The following WWOX variants were observed in gnomAD, a reference collection of about 807,000 sequenced individuals.
WWOX encodes WW domain containing oxidoreductase, also known as WW domain-containing oxidoreductase.
WWOX carries 69 observed loss-of-function variants against 46.2 expected under a neutral mutation model. The observed-to-expected ratio is 1.49, with a 90% CI of 1.23 to 1.82. The LOEUF (loss-of-function observed/expected upper bound fraction) is 1.82. Among genes scored for constraint, WWOX ranks in the 40% most tolerant of loss-of-function variants. The probability of loss-of-function intolerance (pLI) is 0.00; values close to 1 mark genes in which losing one functional copy is unlikely to be tolerated. For missense variants in WWOX, 919 were observed against 542.6 expected (o/e 1.69, Z -6.89); for synonymous variants, 359 against 202.6 (o/e 1.77, Z -6.56).
intron 8 of WWOX, among the ~76,000 whole-genome samples, chr16:78,752,820 G>A (rs187714153): frequency 6.6e-6 from 1 of 152,110 alleles, no homozygotes; most frequent in Non-Finnish European, 1.5e-5. Flanking sequence ...ATGGCCTGGC[G>A]AGCCGCCTTA....
At chr16:78,623,094 G>C (rs2046228483) in intron 8 of WWOX, among the ~76,000 whole-genome samples, 5 of 151,928 alleles carry the variant, frequency 3.3e-5, no homozygotes, top group Admixed American at 3.3e-4. Flanking sequence ...TCAAGCCTCT[G>C]ATGAGACCGC....
In WWOX at chr16:78,862,956, C is replaced by A. The variant is rs545151750; in HGVS notation, c.1057-348652C>A. Among the ~76,000 whole-genome samples, 532 of 143,810 alleles carry A rather than the reference C, an allele frequency of 3.7e-3. 10 individuals are homozygous for A. The South Asian group carries it at 0.049, about 13-fold the overall frequency. The allele number at this position is 143,810 out of a possible 152,430, so 94.3% of individuals were successfully genotyped here. A position where few individuals can be genotyped will look rare whatever the true frequency, so the allele number is the denominator to read the frequency against. On this transcript the variant is annotated intron_variant, in intron 8 of 8. Transcript: ENST00000566780. Reference sequence around the variant, plus strand: ...CAATTAGACATCATGGTGGTTATGCCAAGTTTTTTTTTTTTTTTTTTGAGA... The same window carrying A: ...CAATTAGACATCATGGTGGTTATGCAAAGTTTTTTTTTTTTTTTTTTGAGA...
At chr16:79,101,077 G>A (rs2049183164) in intron 8 of WWOX, 1 of 152,594 alleles carries the variant, frequency 6.6e-6, no homozygotes, top group African/African-American at 2.4e-5. Flanking sequence ...ATTTACAGAA[G>A]CTATCCTTCC....
At chr16:78,903,419 A>T (rs1272710518) in intron 8 of WWOX, among the ~76,000 whole-genome samples, 1 of 152,362 alleles carries the variant, frequency 6.6e-6, no homozygotes, top group South Asian at 2.1e-4. Flanking sequence ...TGTGGGCAGC[A>T]ACCCATCAGA....
intron 8 of WWOX, among the ~76,000 whole-genome samples, chr16:79,081,639 A>G (rs1005613631): frequency 6.6e-6 from 1 of 152,054 alleles, no homozygotes; most frequent in Non-Finnish European, 1.5e-5. Flanking sequence ...TTCTCACTGC[A>G]TTATATTTGA....
intron 8 of WWOX, among the ~76,000 whole-genome samples, chr16:78,637,525 C>A (rs1475773522): frequency 6.6e-6 from 1 of 152,218 alleles, no homozygotes; most frequent in African/African-American, 2.4e-5. Context: ...AGTGATGTAA[C>A]TCATCAGTGG....
At chr16:78,419,242 C>G (rs1303691963) in intron 6 of WWOX, among the ~76,000 whole-genome samples, 2 of 152,084 alleles carry the variant, frequency 1.3e-5, no homozygotes, top group Admixed American at 1.3e-4. Flanking sequence ...TTAGTGCAAT[C>G]TCTATTAAAA....
At chr16:78,951,310 A>G (rs1359277916) in intron 8 of WWOX, among the ~76,000 whole-genome samples, 2 of 146,648 alleles carry the variant, frequency 1.4e-5, no homozygotes, top group East Asian at 2.1e-4. Context: ...CTCAGGGAAT[A>G]TTGGTGGGAG....
chr16:78,949,749 G>C (rs1233149788), intron 8 of WWOX, among the ~76,000 whole-genome samples: 18 of 152,176 alleles, frequency 1.2e-4, no homozygotes, highest in Admixed American at 6.5e-4. Flanking sequence ...AACACAACAA[G>C]TAAAAGGTTT....
intron 5 of WWOX, among the ~76,000 whole-genome samples, chr16:78,243,590 A>G (rs986662653): frequency 7.2e-5 from 11 of 152,186 alleles, no homozygotes; most frequent in African/African-American, 2.6e-4. Flanking sequence ...TCTGTCTTCC[A>G]GGCTGGAATG....
At chr16:78,553,500 A>C (rs972560639) in intron 8 of WWOX, among the ~76,000 whole-genome samples, 1 of 151,810 alleles carries the variant, frequency 6.6e-6, no homozygotes, top group Non-Finnish European at 1.5e-5. Flanking sequence ...TGTGGCTGTG[A>C]ATTGGTTGGT....
intron 8 of WWOX, among the ~76,000 whole-genome samples, chr16:78,769,948 G>A (rs9930178): frequency 3.3e-5 from 5 of 151,922 alleles, no homozygotes; most frequent in South Asian, 2.1e-4. Context: ...GCAGGCTGAA[G>A]CAGGAGGATC....
intron 8 of WWOX, among the ~76,000 whole-genome samples, chr16:78,483,160 T>C (rs921146787): frequency 6.6e-6 from 1 of 152,168 alleles, no homozygotes; most frequent in Non-Finnish European, 1.5e-5. Context: ...TTTTCTTCTA[T>C]TTTTTAAAAA....
chr16:78,529,802 T>C (rs770784616), intron 8 of WWOX, among the ~76,000 whole-genome samples: 1 of 152,182 alleles, frequency 6.6e-6, no homozygotes, highest in Non-Finnish European at 1.5e-5. Context: ...ATTAAATACC[T>C]AGGATTATAA....
At chr16:78,379,596 A>G (rs2081909370) in intron 5 of WWOX, among the ~76,000 whole-genome samples, 1 of 152,228 alleles carries the variant, frequency 6.6e-6, no homozygotes, top group African/African-American at 2.4e-5. Flanking sequence ...AGGTAAGTGG[A>G]GAACGCAAGG....
chr16:79,042,574 T>G (rs2047992104), intron 8 of WWOX, among the ~76,000 whole-genome samples: 1 of 152,202 alleles, frequency 6.6e-6, no homozygotes, highest in Non-Finnish European at 1.5e-5. Flanking sequence ...TTATTAGGGT[T>G]ATAATGCAGC....
intron 8 of WWOX, among the ~76,000 whole-genome samples, chr16:79,088,160 C>T (rs1305939425): frequency 2.0e-5 from 3 of 152,194 alleles, no homozygotes; most frequent in African/African-American, 7.2e-5. Context: ...CTCCCCAGGC[C>T]ATGCCACTGG....
At chr16:78,469,482 A>G (rs565043298) in intron 8 of WWOX, among the ~76,000 whole-genome samples, 3 of 152,204 alleles carry the variant, frequency 2.0e-5, no homozygotes, top group Non-Finnish European at 4.4e-5. Context: ...CTCCGCAGTG[A>G]GGGTGATGAT....
intron 5 of WWOX, among the ~76,000 whole-genome samples, chr16:78,280,219 A>G (rs1280252390): frequency 6.6e-6 from 1 of 152,154 alleles, no homozygotes; most frequent in Non-Finnish European, 1.5e-5. Context: ...AACCTACTTT[A>G]TCGTCCATTG....
Sources: allele counts gnomAD v4.1 joint callset (sites outside exome capture counted in the v4.1 genomes callset), GRCh38; gene constraint gnomAD v4.1.1; transcripts MANE v1.5; gene names NCBI Gene and HGNC (gene_info 2026-07-23, HGNC 2026-07-21).